The following BDKRB1 variants were observed in gnomAD, a reference collection of about 807,000 sequenced individuals.
BDKRB1 encodes bradykinin receptor B1.
For missense variants in BDKRB1, 414 were observed against 441.4 expected (o/e 0.94, Z 0.56); for synonymous variants, 192 against 189.1 (o/e 1.02, Z -0.13).
At chr14:96,258,453 C>A (rs904360100) in intron 1 of BDKRB1, among the ~76,000 whole-genome samples, 1 of 152,184 alleles carries the variant, frequency 6.6e-6, no homozygotes, top group Non-Finnish European at 1.5e-5. Context: ...GAGTGATAAG[C>A]TCTCAGCAAA....
intron 1 of BDKRB1, 89 bp from the exon 2 acceptor site, chr14:96,262,563 T>C: frequency 2.4e-6 from 1 of 414,834 alleles, no homozygotes; most frequent in Non-Finnish European, 4.6e-6. Flanking sequence ...TATTTATTAC[T>C]CATGCTTTCC....
intron 1 of BDKRB1, among the ~76,000 whole-genome samples, chr14:96,256,653 C>T (rs1885624616): frequency 6.6e-6 from 1 of 152,148 alleles, no homozygotes; most frequent in African/African-American, 2.4e-5. Context: ...AATTCTGAAT[C>T]ATAAAAATTA....
intron 2 of BDKRB1, among the ~76,000 whole-genome samples, chr14:96,263,214 TA>T (rs1885798529): frequency 6.6e-6 from 1 of 152,196 alleles, no homozygotes; most frequent in African/African-American, 2.4e-5. Context: ...CAGTTGTTAC[TA>T]AGACTAATCA....
At chr14:96,258,583 C>T (rs182652792) in intron 1 of BDKRB1, among the ~76,000 whole-genome samples, 8 of 152,280 alleles carry the variant, frequency 5.3e-5, no homozygotes, top group African/African-American at 1.7e-4. Context: ...TGTAGTGGTG[C>T]GATCTTGGCT....
chr14:96,262,212 C>T (rs1047267642), intron 1 of BDKRB1, among the ~76,000 whole-genome samples: 4 of 152,200 alleles, frequency 2.6e-5, no homozygotes, highest in African/African-American at 4.8e-5. Context: ...AGGTCTTCTC[C>T]GACAAGCTGG....
In BDKRB1 at chr14:96,264,009, C is replaced by T. The variant is rs1885823291; in HGVS notation, c.327C>T (p.Leu109=). 6.2e-7 allele frequency: 1 copy of T among 1,614,192 alleles called. No homozygotes were observed. The highest frequency in any genetic ancestry group is 8.5e-7 in the Non-Finnish European group (1 of 1,179,992). Residue 109 remains leucine (L), a synonymous_variant, in exon 3 of 3, where the codon CTC becomes CTT. Transcript: ENST00000216629. ...NQFNWPFGAL[L]CRVINGVIKA... is the part of the protein sequence containing the mutation. ...TTAACTGGCCTTTCGGAGCCCTCCTCTGCCGTGTCATCAACGGGGTCATCA... is the reference window on the plus strand; with the variant it reads ...TTAACTGGCCTTTCGGAGCCCTCCTTTGCCGTGTCATCAACGGGGTCATCA...
intron 1 of BDKRB1, among the ~76,000 whole-genome samples, chr14:96,261,658 T>C (rs1251739517): frequency 2.6e-5 from 4 of 152,226 alleles, no homozygotes; most frequent in Non-Finnish European, 1.5e-5. Flanking sequence ...TTAATAACAA[T>C]CATGACAGTG....
Position 96,262,750 on chromosome 14 carries a change from C to G in BDKRB1, c.-31C>G. 4.7e-6 allele frequency: 2 copies of G among 428,662 alleles called. No individual in the cohort carries two copies. The highest frequency in any genetic ancestry group is 1.7e-5 in the South Asian group (1 of 59,554). 26.6% of individuals were successfully genotyped at this position (428,662 alleles called of 1,614,324 possible). A position where few individuals can be genotyped will look rare whatever the true frequency, so the allele number is the denominator to read the frequency against. On this transcript the variant is annotated 5_prime_UTR_variant, in exon 2 of 3. Transcript: ENST00000216629. ...TTAAACGATTCTCCCACCTCAGCCT[C>G]TCGAGTTGCTGGGACCACAGGTATG...
In BDKRB1 at chr14:96,264,562, C is replaced by T. The variant is rs781135413; in HGVS notation, c.880C>T (p.Leu294=). 6.2e-7 allele frequency: 1 copy of T among 1,614,174 alleles called. No homozygotes were observed. Among genetic ancestry groups the T allele is most frequent in the South Asian group, 1.1e-5 (1 of 91,074 alleles). Residue 294 remains leucine (L), a synonymous_variant, in exon 3 of 3, where the codon CTG becomes TTG. Transcript: ENST00000216629. The stretch of plus-strand genomic sequence containing the variant: ...TTGGGAGGACTTCATTGACCTGGGC[C>T]TGCAATTGGCCAACTTCTTTGCCTT... The part of the protein sequence containing the change: ...CFWEDFIDLG[L]QLANFFAFTN...
chr14:96,263,600 G>T, intron 2 of BDKRB1, 73 bp from the exon 3 acceptor site: 2 of 1,450,520 alleles, frequency 1.4e-6, no homozygotes, highest in East Asian at 4.9e-5. Context: ...TCCAAAAACA[G>T]GTGACAGGTT....
At chr14:96,258,927 T>A (rs1224363732) in intron 1 of BDKRB1, among the ~76,000 whole-genome samples, 2 of 151,056 alleles carry the variant, frequency 1.3e-5, no homozygotes, top group African/African-American at 4.9e-5. Context: ...AAAAAAAAAA[T>A]CATTGGCTTT....
At position 96,264,399 on chromosome 14, in the gene BDKRB1, G is replaced by C. The variant is rs772887692; in HGVS notation, c.717G>C (p.Arg239Ser). ...CGCGGGAGGAGGTCAGCAGGACAAG[G>C]TGCGGGGGCCGCAAGGATAGCAAGA... ...LRTREEVSRT[R>S]CGGRKDSKTT... Residue 239 changes from arginine (R) to serine (S), a missense_variant, in exon 3 of 3, where the codon AGG (arginine) becomes AGC (serine). Arg to Ser is a moderately radical substitution (Grantham distance 110). Coordinates refer to ENST00000216629, the MANE Select transcript of BDKRB1 (RefSeq NM_000710.4). 6.2e-7 allele frequency: 1 copy of C among 1,614,108 alleles called. No homozygotes were observed. Among genetic ancestry groups the C allele is most frequent in the Non-Finnish European group, 8.5e-7 (1 of 1,180,050 alleles).
rs1052615236 is a variant in BDKRB1, at chr14:96,262,692, A to G, written c.-89A>G. The G allele has an allele frequency of 6.7e-6, 3 of 446,620 alleles. No individual in the cohort carries two copies. Among genetic ancestry groups the G allele is most frequent in the African/African-American group, 6.3e-5 (3 of 47,508 alleles). 27.7% of individuals were successfully genotyped at this position (446,620 alleles called of 1,614,324 possible). A position where few individuals can be genotyped will look rare whatever the true frequency, so the allele number is the denominator to read the frequency against. On this transcript the variant is annotated 5_prime_UTR_variant, in exon 2 of 3. Coordinates refer to ENST00000216629, the MANE Select transcript of BDKRB1 (RefSeq NM_000710.4). ...GCCCAGACTGAAGTGCAGTGGCACA[A>G]TCATAGCTCGCTGCAGCCTCGACCT...
rs201942990 is a variant in BDKRB1, at chr14:96,263,715, A to G, written c.33A>G (p.Gln11=). MASSWPPLEL[Q]SSNQSQLFPQ... Reference sequence around the variant, plus strand: ...CATCCTGGCCCCCTCTAGAGCTCCAATCCTCCAACCAGAGCCAGCTCTTCC... The same window carrying G: ...CATCCTGGCCCCCTCTAGAGCTCCAGTCCTCCAACCAGAGCCAGCTCTTCC... Residue 11 remains glutamine (Q), a synonymous_variant, in exon 3 of 3, where the codon CAA becomes CAG. Coordinates refer to ENST00000216629, the MANE Select transcript of BDKRB1 (RefSeq NM_000710.4). The G allele has an allele frequency of 6.1e-5, 98 of 1,613,992 alleles. No individual in the cohort carries two copies. Among genetic ancestry groups the G allele is most frequent in the Non-Finnish European group, 4.3e-5 (51 of 1,179,930 alleles).
At chr14:96,257,003 T>G (rs1487455798) in intron 1 of BDKRB1, among the ~76,000 whole-genome samples, 1 of 152,184 alleles carries the variant, frequency 6.6e-6, no homozygotes, top group African/African-American at 2.4e-5. Flanking sequence ...ACTAACAATA[T>G]CCAGAGATAT....
At position 96,264,488 on chromosome 14, in the gene BDKRB1, T is replaced by C; in HGVS notation, c.806T>C (p.Phe269Ser). 2 of 1,614,186 alleles carry C rather than the reference T, an allele frequency of 1.2e-6. No homozygotes were observed. The highest frequency in any genetic ancestry group is 8.5e-7 in the Non-Finnish European group (1 of 1,180,028). Reference protein sequence around the residue: ...FLVCWAPYHFFAFLEFLFQVQ... With the variant: ...FLVCWAPYHFSAFLEFLFQVQ... ...GTCTGCTGGGCCCCTTACCACTTCT[T>C]TGCCTTCCTGGAATTCTTATTCCAG... Residue 269 changes from phenylalanine to serine, a missense_variant, in exon 3 of 3, where the codon TTT (phenylalanine) becomes TCT (serine). Phe to Ser is a radical substitution (Grantham distance 155). Coordinates refer to ENST00000216629, the MANE Select transcript of BDKRB1 (RefSeq NM_000710.4).
chr14:96,256,214 C>T lies in BDKRB1; in HGVS notation c.-216C>T, dbSNP rs1277436233. 1 of 152,178 alleles carries T rather than the reference C, an allele frequency of 6.6e-6. No individual in the cohort carries two copies. Among genetic ancestry groups the T allele is most frequent in the African/African-American group, 2.4e-5 (1 of 41,440 alleles). 9.4% of individuals were successfully genotyped at this position (152,178 alleles called of 1,614,324 possible). ...TTAAAGCAACCACATCTCCACAGCA[C>T]TTCCCAGAAGAGAAAACTCCTCCAA... is the stretch of plus-strand genomic sequence containing the variant. On this transcript the variant is annotated 5_prime_UTR_variant, in exon 1 of 3. Transcript: ENST00000216629.
Position 96,263,751 on chromosome 14 carries a change from T to G in BDKRB1, c.69T>G (p.Ala23=). The G allele has an allele frequency of 6.2e-7, 1 of 1,614,230 alleles. No homozygotes were observed. The highest frequency in any genetic ancestry group is 8.5e-7 in the Non-Finnish European group (1 of 1,180,034). Residue 23 remains alanine (A), a synonymous_variant, in exon 3 of 3, where the codon GCT becomes GCG. Coordinates refer to ENST00000216629, the MANE Select transcript of BDKRB1 (RefSeq NM_000710.4). The part of the protein sequence containing the change: ...SNQSQLFPQN[A]TACDNAPEAW... The stretch of plus-strand genomic sequence containing the variant: ...AGAGCCAGCTCTTCCCTCAAAATGC[T>G]ACGGCCTGTGACAATGCTCCAGAAG...
Position 96,264,183 on chromosome 14 carries a change from CTT to C in BDKRB1, c.502_503del (p.Leu168GlufsTer28). 6.2e-7 allele frequency: 1 copy of C among 1,609,228 alleles called. No homozygotes were observed. Among genetic ancestry groups the C allele is most frequent in the South Asian group, 1.1e-5 (1 of 90,590 alleles). On this transcript the variant is annotated frameshift_variant, in exon 3 of 3. Coordinates refer to ENST00000216629, the MANE Select transcript of BDKRB1 (RefSeq NM_000710.4). LOFTEE classifies it low-confidence loss of function (END_TRUNC). ...TGCTCATCTGGGTTGTGGGGGGCCT[CTT>C]GAGCATCCCCACATTCCTGCTGCGA... ...CVLIWVVGGL[L>X]SIPTFLLRSI...
Sources: gnomAD v4.1 joint callset for allele counts (sites outside exome capture counted in the v4.1 genomes callset) on GRCh38, gnomAD v4.1.1 for gene constraint, MANE v1.5 for transcripts, NCBI Gene and HGNC (gene_info 2026-07-23, HGNC 2026-07-21) for gene names.